Variants in ZNF814 observed in about 807,000 individuals in gnomAD.
The protein encoded by ZNF814 is zinc finger protein 814.
A neutral mutation model predicts 7.5 loss-of-function variants in ZNF814; 5 were observed. The ratio of observed to expected loss-of-function variants is 0.67; its 90% CI spans 0.35 to 1.40. The LOEUF is 1.40. ZNF814 is among the 40% of genes most tolerant of loss of function. The pLI is 0.04. For missense variants in ZNF814, 962 were observed against 1,018.0 expected (o/e 0.94, Z 0.75); for synonymous variants, 315 against 340.7 (o/e 0.92, Z 0.83).
the ZNF814 span, among the ~76,000 whole-genome samples, chr19:57,904,064 C>A: frequency 1.3e-5 from 2 of 152,186 alleles, no homozygotes; most frequent in African/African-American, 2.4e-5. Flanking sequence ...GGGCTCAGGG[C>A]ATAAAACCCT....
the ZNF814 span, among the ~76,000 whole-genome samples, chr19:57,903,145 G>A: frequency 0.28 from 42,844 of 151,992 alleles, 6,179 homozygotes; most frequent in Non-Finnish European, 0.31. Flanking sequence ...AGGCATCACC[G>A]TCCATTCACA....
At chr19:57,879,824 G>A (rs2071637463) in intron 1 of ZNF814, among the ~76,000 whole-genome samples, 1 of 126,628 alleles carries the variant, frequency 7.9e-6, no homozygotes, top group Admixed American at 8.7e-5. Flanking sequence ...AGGCACGGTG[G>A]CTCGAGTCTG....
At position 57,873,658 on chromosome 19, in the gene ZNF814, A is replaced by G. The variant is rs778136140; in HGVS notation, c.1732T>C (p.Cys578Arg). 6.2e-7 allele frequency: 1 copy of G among 1,613,974 alleles called. No individual in the cohort carries two copies. Among genetic ancestry groups the G allele is most frequent in the Non-Finnish European group, 8.5e-7 (1 of 1,179,966 alleles). ...RVHPRERSYG[C>R]GECGKSFSSI... Reference sequence around the variant, plus strand: ...CTAAAAGATTTCCCACATTCTCCACACCCATAAGATCTTTCTCTAGGGTGA... The same window carrying G: ...CTAAAAGATTTCCCACATTCTCCACGCCCATAAGATCTTTCTCTAGGGTGA... The change falls in exon 3 of 3, where the codon TGT becomes CGT. Residue 578 changes from cysteine to arginine, a missense_variant. This residue lies in a region of ZNF814 where 665 missense variants were observed against 551.4 expected (regional missense o/e 1.21). Coordinates refer to ENST00000435989, the MANE Select transcript of ZNF814 (RefSeq NM_001144989.2).
In ZNF814 at chr19:57,870,923, T is replaced by C. The variant is rs1220170099; in HGVS notation, c.*1899A>G. ...TGAACCTGGGAGGCAGAGGTTGCCGTGAGCCAAGATTATGCCACTGCACTC... is the reference window on the plus strand; with the variant it reads ...TGAACCTGGGAGGCAGAGGTTGCCGCGAGCCAAGATTATGCCACTGCACTC... On this transcript the variant is annotated 3_prime_UTR_variant, in exon 3 of 3. Transcript: ENST00000435989. 1 of 151,384 alleles carries C rather than the reference T, an allele frequency of 6.6e-6. No individual in the cohort carries two copies. The highest frequency in any genetic ancestry group is 2.4e-5 in the African/African-American group (1 of 41,120). 9.4% of individuals were successfully genotyped at this position (151,384 alleles called of 1,614,324 possible).
the ZNF814 span, among the ~76,000 whole-genome samples, chr19:57,901,980 A>G: frequency 6.6e-6 from 1 of 152,196 alleles, no homozygotes; most frequent in African/African-American, 2.4e-5. Flanking sequence ...GAAAATGAAT[A>G]TATCAATAGG....
chr19:57,877,031 A>AGT lies in ZNF814; in HGVS notation c.46_47dup (p.Phe17LeufsTer7). 6.2e-7 allele frequency: 1 copy of AGT among 1,614,138 alleles called. No individual in the cohort carries two copies. Among genetic ancestry groups the AGT allele is most frequent in the Non-Finnish European group, 8.5e-7 (1 of 1,180,000 alleles). On this transcript the variant is annotated frameshift_variant, in exon 2 of 3. Coordinates refer to ENST00000435989, the MANE Select transcript of ZNF814 (RefSeq NM_001144989.2). LOFTEE classifies it high-confidence loss of function. ...TAAAGTTCACAGCCACATCTTCAAA[A>AGT]GTCACTGTGCCCTGTTATGATGTTG... is the stretch of plus-strand genomic sequence containing the variant.
At chr19:57,902,770 C>T in the ZNF814 span, among the ~76,000 whole-genome samples, 2 of 151,960 alleles carry the variant, frequency 1.3e-5, no homozygotes, top group Admixed American at 6.6e-5. Flanking sequence ...ATGCCTTTCT[C>T]CTGCCTCAGC....
At position 57,874,940 on chromosome 19, in the gene ZNF814, C is replaced by G. The variant is rs1008887255; in HGVS notation, c.450G>C (p.Gly150=). 4 of 1,612,882 alleles carry G rather than the reference C, an allele frequency of 2.5e-6. No homozygotes were observed. In the African/African-American group the frequency reaches 5.3e-5, roughly 22 times the overall value. ...TTGCAAACAACGCCTCCTCAACACT[C>G]CCTCTGTAGGGTTTCTCTCCAATGT... is the stretch of plus-strand genomic sequence containing the variant. ...NEHIGEKPYR[G]SVEEALFAKR... The change falls in exon 3 of 3, where the codon GGG becomes GGC. Residue 150 remains glycine (G), a synonymous_variant. Transcript: ENST00000435989.
chr19:57,886,588 A>C (rs1385911318), intron 1 of ZNF814, among the ~76,000 whole-genome samples: 1 of 152,076 alleles, frequency 6.6e-6, no homozygotes, highest in Non-Finnish European at 1.5e-5. Context: ...ATAAACAAAA[A>C]AAAAAGACGG....
chr19:57,875,166 C>G lies in ZNF814; in HGVS notation c.224G>C (p.Arg75Thr), dbSNP rs746085414. The change falls in exon 3 of 3, where the codon AGA becomes ACA. Residue 75 changes from arginine to threonine, a missense_variant. By Grantham distance (71) the Arg-to-Thr change is moderately conservative (BLOSUM62 -1). Coordinates refer to ENST00000435989, the MANE Select transcript of ZNF814 (RefSeq NM_001144989.2). ...APSKQSIYIQRETQVRTPMAG... is the reference protein window; with the variant it reads ...APSKQSIYIQTETQVRTPMAG... ...CATAGGAGTCCTGACCTGAGTCTCT[C>G]TTTGTATATAAATACTCTGCTTAGA... The G allele has an allele frequency of 7.3e-5, 112 of 1,538,624 alleles. 2 individuals are homozygous for G. The South Asian group carries it at 1.4e-3, about 19-fold the overall frequency.
At chr19:57,892,012 A>G (rs761960338), upstream of ZNF814, among the ~76,000 whole-genome samples, 4 of 152,258 alleles carry the variant, frequency 2.6e-5, no homozygotes, top group East Asian at 3.9e-4. Flanking sequence ...TCAGCCTCCC[A>G]AAGTGTTGGG....
Position 57,874,894 on chromosome 19 carries a change from A to T in ZNF814, c.496T>A (p.Ser166Thr). Reference sequence around the variant, plus strand: ...TCACTGAAGACAGATGACTCCCCTGACACATGCAACTTACACCTCTTTGCA... The same window carrying T: ...TCACTGAAGACAGATGACTCCCCTGTCACATGCAACTTACACCTCTTTGCA... Reference protein sequence around the residue: ...LFAKRCKLHVSGESSVFSESG... With the variant: ...LFAKRCKLHVTGESSVFSESG... Residue 166 changes from serine to threonine, a missense_variant, in exon 3 of 3, where the codon TCA becomes ACA. Ser to Thr is a moderately conservative substitution (Grantham distance 58). Around this residue, in one of 7 missense-constraint regions of ZNF814, gnomAD observed 126 missense variants for 123.5 expected, o/e 1.02. Coordinates refer to ENST00000435989, the MANE Select transcript of ZNF814 (RefSeq NM_001144989.2). The T allele has an allele frequency of 6.2e-7, 1 of 1,614,018 alleles. No individual in the cohort carries two copies. The highest frequency in any genetic ancestry group is 8.5e-7 in the Non-Finnish European group (1 of 1,179,902).
rs747788450 is a variant in ZNF814, at chr19:57,873,048, A to G, written c.2342T>C (p.Phe781Ser). 2 of 1,614,026 alleles carry G rather than the reference A, an allele frequency of 1.2e-6. No individual in the cohort carries two copies. Among genetic ancestry groups the G allele is most frequent in the South Asian group, 1.1e-5 (1 of 91,048 alleles). The part of the protein sequence containing the change: ...PYECSECGKS[F>S]AESSSFTKHK... ...TTTTGTGAAACTGGAGCTTTCAGCG[A>G]AAGATTTTCCACATTCACTGCACTC... is the stretch of plus-strand genomic sequence containing the variant. Residue 781 changes from phenylalanine to serine, a missense_variant, in exon 3 of 3, where the codon TTC becomes TCC. By Grantham distance (155) the Phe-to-Ser change is radical. Around this residue, in one of 7 missense-constraint regions of ZNF814, gnomAD observed 665 missense variants for 551.4 expected, o/e 1.21. Transcript: ENST00000435989.
upstream of ZNF814, chr19:57,889,042 G>C: frequency 1.9e-6 from 1 of 535,010 alleles, no homozygotes; most frequent in Non-Finnish European, 3.3e-6. Context: ...CAAAATGGCC[G>C]CCACCAGAGG....
intron 1 of ZNF814, among the ~76,000 whole-genome samples, chr19:57,877,510 T>G (rs1254522450): frequency 6.6e-6 from 1 of 152,148 alleles, no homozygotes; most frequent in Non-Finnish European, 1.5e-5. Flanking sequence ...TGGCATGATC[T>G]CGGCTCACTG....
chr19:57,901,536 C>G, the ZNF814 span: 8 of 398,096 alleles, frequency 2.0e-5, no homozygotes, highest in East Asian at 3.6e-5. Flanking sequence ...CACCAAACAT[C>G]TGAAGGTCTA....
At chr19:57,891,758 CTTTT>C, upstream of ZNF814, among the ~76,000 whole-genome samples, 1 of 137,016 alleles carries the variant, frequency 7.3e-6, no homozygotes, top group African/African-American at 3.6e-5. Context: ...CCTTTACTTT[CTTTT>C]CTTTTTTTTG....
intron 1 of ZNF814, among the ~76,000 whole-genome samples, chr19:57,878,943 A>G (rs2071631441): frequency 6.6e-6 from 1 of 151,974 alleles, no homozygotes. Context: ...ACATGCACAC[A>G]AGGGAAAAAA....
At chr19:57,904,665 TA>T in the ZNF814 span, among the ~76,000 whole-genome samples, 1 of 152,188 alleles carries the variant, frequency 6.6e-6, no homozygotes, top group African/African-American at 2.4e-5. Context: ...TGTAATCTCG[TA>T]ACTTTCCAAG....
Sources: allele counts gnomAD v4.1 joint callset (sites outside exome capture counted in the v4.1 genomes callset), GRCh38; gene constraint gnomAD v4.1.1; regional missense constraint gnomAD v4.1.1; transcripts MANE v1.5; gene names NCBI Gene and HGNC (gene_info 2026-07-23, HGNC 2026-07-21).